The following KIAA0232 variants were observed in gnomAD, a reference collection of about 807,000 sequenced individuals.
KIAA0232 encodes uncharacterized protein KIAA0232.
Under a neutral mutation model 122.0 loss-of-function variants are expected in KIAA0232, and 27 were observed. That is an observed-to-expected ratio of 0.22 (90% confidence interval 0.16 to 0.31). The LOEUF is 0.31. Among genes scored for constraint, KIAA0232 ranks in the 10% least tolerant of loss-of-function variants. The probability of loss-of-function intolerance (pLI) is 1.00; values close to 1 mark genes in which losing one functional copy is unlikely to be tolerated. For synonymous variants in KIAA0232, 613 were observed against 587.6 expected (o/e 1.04, Z -0.63); for missense variants, 1,551 against 1,634.2 (o/e 0.95, Z 0.88).
rs568241094 is a variant in KIAA0232 at position 6,880,870 on chromosome 4, C to T, written c.4092C>T (p.Ser1364=). The change falls in exon 10 of 10, where the codon TCC becomes TCT. Residue 1364 remains serine, a synonymous_variant. Coordinates refer to ENST00000307659, the MANE Select transcript of KIAA0232 (RefSeq NM_014743.3). ...ATGGCTTCCGCGGAAAGATGTGCTCCAGCGCCAGCTCCACCTCGGAAGAGA... is the reference window on the plus strand; with the variant it reads ...ATGGCTTCCGCGGAAAGATGTGCTCTAGCGCCAGCTCCACCTCGGAAGAGA... The part of the protein sequence containing the change: ...KSDGFRGKMC[S]SASSTSEETG... The T allele has an allele frequency of 4.0e-5, 65 of 1,607,806 alleles. No individual in the cohort carries two copies. The highest frequency in any genetic ancestry group is 3.3e-4 in the Middle Eastern group (2 of 6,054).
At chr4:6,877,109 A>T (rs975377543) in intron 9 of KIAA0232, among the ~76,000 whole-genome samples, 1 of 151,838 alleles carries the variant, frequency 6.6e-6, no homozygotes, top group African/African-American at 2.4e-5. Context: ...TGTTTACCTA[A>T]TAAGTGGGAG....
intron 1 of KIAA0232, among the ~76,000 whole-genome samples, chr4:6,787,986 G>C (rs1560157300): frequency 1.3e-5 from 2 of 152,174 alleles, no homozygotes; most frequent in Non-Finnish European, 2.9e-5. Flanking sequence ...TAAGATCTTT[G>C]CTATCTAGCC....
At chr4:6,799,336 G>C (rs1345997600) in intron 1 of KIAA0232, among the ~76,000 whole-genome samples, 1 of 149,952 alleles carries the variant, frequency 6.7e-6, no homozygotes, top group Admixed American at 6.7e-5. Context: ...CACAGACCCT[G>C]TTTTCAAATA....
Position 6,863,344 on chromosome 4 carries a change from C to T in KIAA0232, c.2962C>T (p.Gln988Ter). ...AAACAGTTTTGCTCCTGGGCACAGG[C>T]AGTTATGGAAACCCTTCGTGTCATT... Reference protein sequence around the residue: ...PGNSFAPGHRQLWKPFVSFEQ... With the variant: ...PGNSFAPGHR The change falls in exon 7 of 10, where the codon CAG becomes TAG. Residue 988 changes from glutamine to a stop codon, truncating the protein, a stop_gained. Coordinates refer to ENST00000307659, the MANE Select transcript of KIAA0232 (RefSeq NM_014743.3). LOFTEE classifies it high-confidence loss of function. 6.2e-7 allele frequency: 1 copy of T among 1,614,154 alleles called. No homozygotes were observed. Among genetic ancestry groups the T allele is most frequent in the Non-Finnish European group, 8.5e-7 (1 of 1,180,022 alleles).
chr4:6,841,706 G>T (rs1459821080), intron 3 of KIAA0232, among the ~76,000 whole-genome samples: 1 of 152,052 alleles, frequency 6.6e-6, no homozygotes, highest in Non-Finnish European at 1.5e-5. Context: ...AACTCCATTT[G>T]CAATAGTATA....
chr4:6,788,132 TTCC>T (rs1716715629), intron 1 of KIAA0232, among the ~76,000 whole-genome samples: 2 of 152,218 alleles, frequency 1.3e-5, no homozygotes, highest in African/African-American at 4.8e-5. Flanking sequence ...TCCACCTCCC[TTCC>T]TCCTGCTGCC....
At chr4:6,849,767 C>T (rs1319656403) in intron 4 of KIAA0232, among the ~76,000 whole-genome samples, 5 of 115,882 alleles carry the variant, frequency 4.3e-5, no homozygotes, top group East Asian at 2.4e-4. Context: ...ACTCGGTCTC[C>T]AAAAAAAAAA....
intron 1 of KIAA0232, among the ~76,000 whole-genome samples, chr4:6,789,455 A>G (rs1248711288): frequency 6.7e-6 from 1 of 148,320 alleles, no homozygotes; most frequent in Non-Finnish European, 1.5e-5. Flanking sequence ...TTATTTTTTA[A>G]TAGAGACGGG....
intron 2 of KIAA0232, among the ~76,000 whole-genome samples, chr4:6,823,764 C>G (rs1469068666): frequency 6.6e-6 from 1 of 151,572 alleles, no homozygotes; most frequent in Non-Finnish European, 1.5e-5. Context: ...AGAAGCAGAG[C>G]ATCAACTCCT....
chr4:6,856,781 A>T (rs1256263900), intron 4 of KIAA0232, among the ~76,000 whole-genome samples: 1 of 151,996 alleles, frequency 6.6e-6, no homozygotes, highest in Admixed American at 6.5e-5. Flanking sequence ...CTGGTATAAG[A>T]TCTCGCTCAC....
At chr4:6,799,463 C>A (rs1255453089) in intron 1 of KIAA0232, among the ~76,000 whole-genome samples, 1 of 151,708 alleles carries the variant, frequency 6.6e-6, no homozygotes, top group Non-Finnish European at 1.5e-5. Flanking sequence ...AATTGTGACT[C>A]ATTTCCTCAA....
At position 6,871,671 on chromosome 4, in the gene KIAA0232, C is replaced by T. The variant is rs772147033; in HGVS notation, c.3899C>T (p.Ser1300Leu). ...TTGTACTCTCCTCTTTTTCCTGCAT[C>T]AGAGTGTGAAGGTAAGGAGACCTTT... is the stretch of plus-strand genomic sequence containing the variant. Reference protein sequence around the residue: ...KALYSPLFPASECEECYTNAK... With the variant: ...KALYSPLFPALECEECYTNAK... Residue 1300 changes from serine to leucine, a missense_variant, in exon 8 of 10, where the codon TCA becomes TTA. Around this residue, in one of 5 missense-constraint regions of KIAA0232, gnomAD observed 1,108 missense variants for 1,154.8 expected, o/e 0.96. Transcript: ENST00000307659. The T allele has an allele frequency of 6.3e-7, 1 of 1,599,914 alleles. No homozygotes were observed. Among genetic ancestry groups the T allele is most frequent in the Non-Finnish European group, 8.6e-7 (1 of 1,167,748 alleles).
intron 4 of KIAA0232, among the ~76,000 whole-genome samples, chr4:6,854,138 CAAA>C (rs1243963909): frequency 6.6e-6 from 1 of 152,000 alleles, no homozygotes; most frequent in Non-Finnish European, 1.5e-5. Flanking sequence ...AGTGATGAAT[CAAA>C]AAACAAGATT....
chr4:6,847,234 C>T (rs558071335), intron 4 of KIAA0232, among the ~76,000 whole-genome samples: 1 of 152,142 alleles, frequency 6.6e-6, no homozygotes, highest in African/African-American at 2.4e-5. Flanking sequence ...ACAATGTGAA[C>T]TGTTTCTATA....
intron 1 of KIAA0232, among the ~76,000 whole-genome samples, chr4:6,801,110 T>C (rs777047821): frequency 1.8e-4 from 28 of 152,242 alleles, no homozygotes; most frequent in Non-Finnish European, 3.7e-4. Context: ...AATCTTGATG[T>C]GTTAGACCTG....
chr4:6,845,849 G>T (rs2108751270), intron 4 of KIAA0232, among the ~76,000 whole-genome samples: 1 of 152,286 alleles, frequency 6.6e-6, no homozygotes, highest in East Asian at 1.9e-4. Flanking sequence ...AGTAATGCAA[G>T]ACCCTTCTCC....
intron 1 of KIAA0232, among the ~76,000 whole-genome samples, chr4:6,799,151 G>T (rs990258799): frequency 6.6e-6 from 1 of 151,852 alleles, no homozygotes; most frequent in Non-Finnish European, 1.5e-5. Flanking sequence ...TTCTTGGCTT[G>T]CATTGGTACA....
intron 5 of KIAA0232, among the ~76,000 whole-genome samples, 181 bp from the exon 6 acceptor site, chr4:6,858,244 C>T (rs781240915): frequency 3.9e-5 from 6 of 152,140 alleles, no homozygotes; most frequent in Non-Finnish European, 7.3e-5. Context: ...GTGGTTTAAT[C>T]GGAGAATTCC....
chr4:6,866,540 A>G (rs1024626385), intron 7 of KIAA0232, among the ~76,000 whole-genome samples: 3 of 152,198 alleles, frequency 2.0e-5, no homozygotes, highest in Non-Finnish European at 4.4e-5. Flanking sequence ...TTGCTTGGTC[A>G]GTCTGAAAGG....
Sources: allele counts gnomAD v4.1 joint callset (sites outside exome capture counted in the v4.1 genomes callset), GRCh38; gene constraint gnomAD v4.1.1; regional missense constraint gnomAD v4.1.1; transcripts MANE v1.5; gene names NCBI Gene and HGNC (gene_info 2026-07-23, HGNC 2026-07-21).